Variants in KPNA1 observed in about 807,000 individuals in gnomAD.
KPNA1 encodes the protein importin subunit alpha-5.
In KPNA1, 10 loss-of-function variants were observed where a neutral mutation model predicts 70.5. The ratio of observed to expected loss-of-function variants is 0.14; its 90% confidence interval spans 0.09 to 0.24. The LOEUF is 0.24. KPNA1 is among the 10% of genes least tolerant of loss of function. KPNA1 has a pLI of 1.00. For synonymous variants in KPNA1, 192 were observed against 221.9 expected (o/e 0.87, Z 1.20); for missense variants, 397 against 637.9 (o/e 0.62, Z 4.07).
At chr3:122,462,398 A>G (rs999221600) in intron 4 of KPNA1, among the ~76,000 whole-genome samples, 1 of 152,196 alleles carries the variant, frequency 6.6e-6, no homozygotes, top group Non-Finnish European at 1.5e-5. Flanking sequence ...GACTATCAAA[A>G]TAACTAGCTA....
intron 2 of KPNA1, among the ~76,000 whole-genome samples, chr3:122,478,685 G>A (rs1467121133): frequency 4.0e-5 from 6 of 148,438 alleles, no homozygotes; most frequent in Non-Finnish European, 7.4e-5. Context: ...CCAAGATCGC[G>A]CCACTGCACT....
At chr3:122,464,142 C>A in intron 3 of KPNA1, 101 bp from the exon 4 acceptor site, 1 of 534,922 alleles carries the variant, frequency 1.9e-6, no homozygotes. Context: ...GTTAATCATA[C>A]TTCCCCAGAA....
At position 122,484,361 on chromosome 3, in the gene KPNA1, A is replaced by G. The variant is rs374989381; in HGVS notation, c.129+12076T>C. 7.9e-5 allele frequency among the ~76,000 whole-genome samples: 12 copies of G among 152,180 alleles called. 1 individual carries two copies. In the East Asian group the frequency reaches 9.6e-4, roughly 12 times the overall value. On this transcript the variant is annotated intron_variant, in intron 2 of 13. Transcript: ENST00000344337. ...CCTCAACACAACCAATAAAATCTCA[A>G]TTATAAAAAATAAACATGACCGGGC...
At chr3:122,504,275 AC>A (rs1408491701) in intron 1 of KPNA1, among the ~76,000 whole-genome samples, 2 of 151,750 alleles carry the variant, frequency 1.3e-5, no homozygotes, top group Non-Finnish European at 2.9e-5. Context: ...TCTGGTGAGG[AC>A]CCACCTCCTG....
intron 2 of KPNA1, among the ~76,000 whole-genome samples, chr3:122,486,800 G>C (rs905203061): frequency 6.6e-6 from 1 of 151,956 alleles, no homozygotes; most frequent in Non-Finnish European, 1.5e-5. Flanking sequence ...TGTTAGCCAG[G>C]ATGGTCTTGA....
intron 12 of KPNA1, among the ~76,000 whole-genome samples, chr3:122,428,915 T>A (rs1411468803): frequency 6.6e-6 from 1 of 151,972 alleles, no homozygotes; most frequent in Admixed American, 6.5e-5. Context: ...AATAAAGACA[T>A]CATAAGAAAG....
intron 6 of KPNA1, among the ~76,000 whole-genome samples, chr3:122,452,823 GAA>G (rs1442684230): frequency 6.6e-6 from 1 of 151,602 alleles, no homozygotes; most frequent in Non-Finnish European, 1.5e-5. Flanking sequence ...TGGAGAGACA[GAA>G]AGAGAGAAAG....
At chr3:122,501,761 T>G (rs2076831958) in intron 1 of KPNA1, among the ~76,000 whole-genome samples, 1 of 152,212 alleles carries the variant, frequency 6.6e-6, no homozygotes, top group African/African-American at 2.4e-5. Flanking sequence ...TTTATTGTAC[T>G]GATTCCTTCT....
chr3:122,432,159 TATAA>T (rs2075919521), intron 12 of KPNA1, among the ~76,000 whole-genome samples: 1 of 152,240 alleles, frequency 6.6e-6, no homozygotes, highest in Non-Finnish European at 1.5e-5. Context: ...AATTAATAAC[TATAA>T]ATGTGAATTT....
intron 9 of KPNA1, among the ~76,000 whole-genome samples, chr3:122,446,153 A>G (rs1576292928): frequency 6.6e-6 from 1 of 152,342 alleles, no homozygotes; most frequent in East Asian, 1.9e-4. Context: ...ACTTGAACTC[A>G]GCTCTGCACC....
In KPNA1 at chr3:122,454,012, A is replaced by T; in HGVS notation, c.433-11T>A. 1 of 1,549,978 alleles carries T rather than the reference A, an allele frequency of 6.5e-7. No homozygotes were observed. The highest frequency in any genetic ancestry group is 8.8e-7 in the Non-Finnish European group (1 of 1,142,750). The stretch of plus-strand genomic sequence containing the variant: ...CCAAGCTGATTCAAACTATAAAGAT[A>T]AAAATAATTTTCATTATCTTTTTAG... On this transcript the variant is annotated splice_polypyrimidine_tract_variant and intron_variant, in intron 5 of 13. Coordinates refer to ENST00000344337, the MANE Select transcript of KPNA1 (RefSeq NM_002264.4).
rs749702718 is a variant in KPNA1 at position 122,442,065 on chromosome 3, A to G, written c.969T>C (p.Ile323=). The G allele has an allele frequency of 6.2e-7, 1 of 1,613,904 alleles. No individual in the cohort carries two copies. Among genetic ancestry groups the G allele is most frequent in the Non-Finnish European group, 8.5e-7 (1 of 1,179,880 alleles). ...GTGTCTGAATATCATCCCCTGTGAC[A>G]ATGTTTCCCACAGCTCGCAAAGCAG... is the stretch of plus-strand genomic sequence containing the variant. ...VSPALRAVGN[I]VTGDDIQTQV... is the part of the protein sequence containing the mutation. The change falls in exon 10 of 14, where the codon ATT becomes ATC. Residue 323 remains isoleucine (I), a synonymous_variant. Coordinates refer to ENST00000344337, the MANE Select transcript of KPNA1 (RefSeq NM_002264.4).
chr3:122,448,833 T>A (rs7648255), intron 9 of KPNA1, among the ~76,000 whole-genome samples: 34,062 of 152,106 alleles, frequency 0.22, 4,228 homozygotes, highest in Non-Finnish European at 0.27. Context: ...AGATTTTGAA[T>A]GATGTACTTC....
At chr3:122,443,576 AT>A (rs1429498938) in intron 9 of KPNA1, among the ~76,000 whole-genome samples, 1 of 152,032 alleles carries the variant, frequency 6.6e-6, no homozygotes, top group Non-Finnish European at 1.5e-5. Context: ...GTTCTTTTCT[AT>A]TTTCTCTAAG....
chr3:122,459,845 A>C, intron 5 of KPNA1: 1 of 985,516 alleles, frequency 1.0e-6, no homozygotes, highest in African/African-American at 1.7e-5. Context: ...ACAAAGAGAA[A>C]GAAGGGATAG....
At chr3:122,474,432 T>G (rs2107755899) in intron 2 of KPNA1, among the ~76,000 whole-genome samples, 2 of 152,220 alleles carry the variant, frequency 1.3e-5, no homozygotes, top group South Asian at 4.1e-4. Context: ...CTACCCAACT[T>G]CAAGATTTAT....
At chr3:122,493,620 G>A (rs2076725072) in intron 2 of KPNA1, among the ~76,000 whole-genome samples, 2 of 152,136 alleles carry the variant, frequency 1.3e-5, no homozygotes, top group South Asian at 4.1e-4. Context: ...AAACCAGCCT[G>A]GTAAATCCAA....
At chr3:122,460,353 C>A (rs1242506485) in intron 5 of KPNA1, 1 of 983,834 alleles carries the variant, frequency 1.0e-6, no homozygotes, top group Non-Finnish European at 1.2e-6. Context: ...TTATTGAATA[C>A]TTGGCTGGGA....
At chr3:122,487,763 T>C (rs1211470325) in intron 2 of KPNA1, among the ~76,000 whole-genome samples, 1 of 151,998 alleles carries the variant, frequency 6.6e-6, no homozygotes, top group Admixed American at 6.6e-5. Flanking sequence ...AAAGGAGAAA[T>C]GAGGAATACT....
Sources: allele counts gnomAD v4.1 joint callset (sites outside exome capture counted in the v4.1 genomes callset), GRCh38; gene constraint gnomAD v4.1.1; transcripts MANE v1.5; gene names NCBI Gene and HGNC (gene_info 2026-07-23, HGNC 2026-07-21).